CELSR1: variants seen among roughly 807,000 people sequenced by gnomAD.
CELSR1 encodes the protein cadherin EGF LAG seven-pass G-type receptor 1.
CELSR1 carries 110 observed loss-of-function variants against 249.1 expected under a neutral mutation model. That is an observed-to-expected ratio of 0.44 (90% CI 0.38 to 0.52). The LOEUF (loss-of-function observed/expected upper bound fraction) is 0.52. CELSR1 is among the 20% of genes least tolerant of loss of function. The pLI is 0.00. For synonymous variants in CELSR1, 2,113 were observed against 1,900.0 expected, an observed-to-expected ratio of 1.11 and a Z score of -2.92; for missense variants, 4,109 against 4,296.4, an observed-to-expected ratio of 0.96 and a Z score of 1.22.
rs1569141667 is a variant in CELSR1, at chr22:46,408,758, C to T, written c.5226+238G>A. Among the ~76,000 whole-genome samples, 1 of 152,234 alleles carries T rather than the reference C, an allele frequency of 6.6e-6. No homozygotes were observed. The highest frequency in any genetic ancestry group is 2.1e-4 in the South Asian group (1 of 4,834). ...CAGGCTAGAGGGAGACCAGAACTGC[C>T]GCTGAGCTCTGCTGGGCCCCAGGGT... On this transcript the variant is annotated intron_variant, in intron 9 of 34. Coordinates refer to ENST00000674500, the MANE Select transcript of CELSR1 (RefSeq NM_001378328.1). This position sits in a 1 kb window ranked among gnomAD's most constrained non-coding sequence, Gnocchi z 4.6.
rs538427023 is a variant in CELSR1 at position 46,530,872 on chromosome 22, A to ACGTAGT, written c.3544+2749_3544+2754dup. The stretch of plus-strand genomic sequence containing the variant: ...CCCTTCCTGGAATGGCTCCCACTAA[A>ACGTAGT]CGTAGTCGATGGCTGGCCTGTTGCA... On this transcript the variant is annotated intron_variant, in intron 1 of 34. Transcript: ENST00000674500. 9.9e-4 allele frequency among the ~76,000 whole-genome samples: 151 copies of ACGTAGT among 152,220 alleles called. 1 individual carries two copies. The highest frequency in any genetic ancestry group is 9.6e-4 in the East Asian group (5 of 5,182).
At position 46,417,764 on chromosome 22, in the gene CELSR1, G is replaced by A. The variant is rs1212585676; in HGVS notation, c.4612-6005C>T. On this transcript the variant is annotated intron_variant, in intron 5 of 34. Coordinates refer to ENST00000674500, the MANE Select transcript of CELSR1 (RefSeq NM_001378328.1). This position sits in a 1 kb window ranked among gnomAD's most constrained non-coding sequence, Gnocchi z 4.1. Reference sequence around the variant, plus strand: ...GTAAGTGCATAGCTGCTATCTCTAGGGCTGTTTGGGAATGAAATGAAAGGA... The same window carrying A: ...GTAAGTGCATAGCTGCTATCTCTAGAGCTGTTTGGGAATGAAATGAAAGGA... 6.6e-6 allele frequency among the ~76,000 whole-genome samples: 1 copy of A among 152,232 alleles called. No homozygotes were observed. The highest frequency in any genetic ancestry group is 2.4e-5 in the African/African-American group (1 of 41,456).
rs143614301 is a variant in CELSR1, at chr22:46,378,727, G to A, written c.7257-10C>T. The A allele has an allele frequency of 2.0e-5, 33 of 1,610,524 alleles. No homozygotes were observed. Among genetic ancestry groups the A allele is most frequent in the Admixed American group, 5.0e-5 (3 of 59,954 alleles). On this transcript the variant is annotated splice_polypyrimidine_tract_variant and intron_variant, in intron 22 of 34. Transcript: ENST00000674500. ...TCCCGTCCCACCAACGCTGCGGAGA[G>A]GACAGAGAAGGGGCAGGGGTAAGAC...
At chr22:46,492,397 A>G (rs1482880543) in intron 1 of CELSR1, among the ~76,000 whole-genome samples, 1 of 152,206 alleles carries the variant, frequency 6.6e-6, no homozygotes, top group Non-Finnish European at 1.5e-5. Flanking sequence ...CCCGGCGCAA[A>G]GTCTTTCTGG....
chr22:46,518,945 A>G lies in CELSR1; in HGVS notation c.3544+14682T>C, dbSNP rs544288374. Reference sequence around the variant, plus strand: ...CTACTCGGGAGGCAGAGGCAGGAGAATCGCTTAAACCCAGGAGGCAAAGGT... The same window carrying G: ...CTACTCGGGAGGCAGAGGCAGGAGAGTCGCTTAAACCCAGGAGGCAAAGGT... On this transcript the variant is annotated intron_variant, in intron 1 of 34. Transcript: ENST00000674500. This position sits in a 1 kb window ranked among gnomAD's most constrained non-coding sequence, Gnocchi z 5.2. Among the ~76,000 whole-genome samples the G allele has an allele frequency of 6.6e-6, 1 of 152,198 alleles. No homozygotes were observed. Among genetic ancestry groups the G allele is most frequent in the East Asian group, 1.9e-4 (1 of 5,182 alleles).
intron 1 of CELSR1, among the ~76,000 whole-genome samples, chr22:46,474,954 A>T (rs2080193297): frequency 1.3e-5 from 2 of 152,122 alleles, no homozygotes; most frequent in Non-Finnish European, 2.9e-5. Flanking sequence ...GGAAACGCAC[A>T]GGCAGGCCCT....
Position 46,464,792 on chromosome 22 carries a change from C to A in CELSR1, c.3545-447G>T, listed in dbSNP as rs575047166. On this transcript the variant is annotated intron_variant, in intron 1 of 34. Transcript: ENST00000674500. This position sits in a 1 kb window ranked among gnomAD's most constrained non-coding sequence, Gnocchi z 8.5. ...CCTGCCCTGGCCTCCAGGGATCCCACCCTGCCCAACCTCCCAACAGTTCTT... is the reference window on the plus strand; with the variant it reads ...CCTGCCCTGGCCTCCAGGGATCCCAACCTGCCCAACCTCCCAACAGTTCTT... Among the ~76,000 whole-genome samples, 21 of 152,288 alleles carry A rather than the reference C, an allele frequency of 1.4e-4. No homozygotes were observed. The South Asian group carries it at 4.4e-3, about 32-fold the overall frequency.
chr22:46,460,178 AACACACACACAC>A (rs544352270), intron 2 of CELSR1, among the ~76,000 whole-genome samples: 21 of 103,040 alleles, frequency 2.0e-4, no homozygotes, highest in Middle Eastern at 5.0e-3. Context: ...TCAGTCTCAA[AACACACACACAC>A]ACACACACAC....
At position 46,439,238 on chromosome 22, in the gene CELSR1, C is replaced by T. The variant is rs370934549; in HGVS notation, c.4357G>A (p.Val1453Ile). The stretch of plus-strand genomic sequence containing the variant: ...CGCTGTCTCAGGCCCCGGAAGGTGA[C>T]GAAGGACTGGGGCGGGAAGCTCCTG... ...TTRSFPPQSF[V>I]TFRGLRQRFH... The change falls in exon 3 of 35, where the codon GTC becomes ATC. Residue 1453 changes from valine to isoleucine, a missense_variant. Transcript: ENST00000674500. The T allele has an allele frequency of 4.1e-5, 66 of 1,613,980 alleles. No homozygotes were observed. Among genetic ancestry groups the T allele is most frequent in the African/African-American group, 5.3e-5 (4 of 74,906 alleles).
chr22:46,368,317 G>A (rs1257056949), intron 27 of CELSR1, among the ~76,000 whole-genome samples: 1 of 152,108 alleles, frequency 6.6e-6, no homozygotes, highest in Non-Finnish European at 1.5e-5. Flanking sequence ...GGGTTCAGAG[G>A]GGATGGAGTG....
At chr22:46,392,444 A>G (rs2079103954) in intron 14 of CELSR1, among the ~76,000 whole-genome samples, 2 of 152,272 alleles carry the variant, frequency 1.3e-5, no homozygotes, top group Admixed American at 6.5e-5. Context: ...ACTGTGTGTA[A>G]AATGACAGTG....
chr22:46,455,428 C>T (rs2079936797), intron 2 of CELSR1, among the ~76,000 whole-genome samples: 1 of 152,122 alleles, frequency 6.6e-6, no homozygotes, highest in Admixed American at 6.6e-5. Context: ...CGGTGTTTCA[C>T]CATGTTGGTC....
intron 1 of CELSR1, among the ~76,000 whole-genome samples, chr22:46,515,145 T>C (rs1412372683): frequency 1.3e-5 from 2 of 151,866 alleles, no homozygotes; most frequent in South Asian, 2.1e-4. Context: ...GGGACACTCA[T>C]GGGACACAGC....
At position 46,536,967 on chromosome 22, in the gene CELSR1, G is replaced by A; in HGVS notation, c.204C>T (p.Gly68=). Residue 68 remains glycine (G), a synonymous_variant, in exon 1 of 35, where the codon GGC becomes GGT. Coordinates refer to ENST00000674500, the MANE Select transcript of CELSR1 (RefSeq NM_001378328.1). ...PRAPRELLDV[G]RDGRLAGRRR... ...GACGTCCTGCCAGCCGCCCATCGCG[G>A]CCCACGTCCAGCAGCTCCCGCGGCG... is the stretch of plus-strand genomic sequence containing the variant. 1 of 1,146,264 alleles carries A rather than the reference G, an allele frequency of 8.7e-7. No homozygotes were observed. The highest frequency in any genetic ancestry group is 1.1e-6 in the Non-Finnish European group (1 of 935,620). 71.0% of individuals were successfully genotyped at this position (1,146,264 alleles called of 1,614,324 possible). A position where few individuals can be genotyped will look rare whatever the true frequency, so the allele number is the denominator to read the frequency against.
rs1351336002 is a variant in CELSR1, at chr22:46,447,217, T to C, written c.4184-7806A>G. On this transcript the variant is annotated intron_variant, in intron 2 of 34. Coordinates refer to ENST00000674500, the MANE Select transcript of CELSR1 (RefSeq NM_001378328.1). This position sits in a 1 kb window ranked among gnomAD's most constrained non-coding sequence, Gnocchi z 4.7. ...TGACAGATTTTTAATTCTAAAATCA[T>C]CTGAAGGTAAATAGGTCAAATTTAG... 2.0e-5 allele frequency among the ~76,000 whole-genome samples: 3 copies of C among 152,206 alleles called. No homozygotes were observed. Among genetic ancestry groups the C allele is most frequent in the African/African-American group, 7.2e-5 (3 of 41,454 alleles).
intron 25 of CELSR1, 138 bp from the exon 26 acceptor site, chr22:46,369,942 G>A (rs758419285): frequency 4.1e-6 from 3 of 733,884 alleles, no homozygotes; most frequent in Non-Finnish European, 7.2e-6. Context: ...AGTCCAGGGA[G>A]CCAGCCCAGG....
intron 2 of CELSR1, among the ~76,000 whole-genome samples, chr22:46,442,820 G>A (rs1172265283): frequency 3.3e-5 from 5 of 152,190 alleles, no homozygotes; most frequent in Non-Finnish European, 7.3e-5. Flanking sequence ...GGCCTGGCGC[G>A]GTGGCTCACG....
In CELSR1 at chr22:46,500,193, C is replaced by G. The variant is rs1045986093; in HGVS notation, c.3544+33434G>C. On this transcript the variant is annotated intron_variant, in intron 1 of 34. Transcript: ENST00000674500. This position sits in a 1 kb window ranked among gnomAD's most constrained non-coding sequence, Gnocchi z 4.9. ...CTCCCAGCATGATCCCACCCCAGCC[C>G]CTGGTCCTCCCAGCATTGCTCAGCA... is the stretch of plus-strand genomic sequence containing the variant. 6.6e-6 allele frequency among the ~76,000 whole-genome samples: 1 copy of G among 151,926 alleles called. No homozygotes were observed. Among genetic ancestry groups the G allele is most frequent in the African/African-American group, 2.4e-5 (1 of 41,322 alleles).
chr22:46,493,758 T>A (rs973366544), intron 1 of CELSR1, among the ~76,000 whole-genome samples: 1 of 151,808 alleles, frequency 6.6e-6, no homozygotes, highest in African/African-American at 2.4e-5. Flanking sequence ...TATAGAGGAG[T>A]TCCCCTGCAC....
Sources: allele counts gnomAD v4.1 joint callset (sites outside exome capture counted in the v4.1 genomes callset), GRCh38; gene constraint gnomAD v4.1.1; non-coding constraint Gnocchi (gnomAD v3.1); transcripts MANE v1.5; gene names NCBI Gene and HGNC (gene_info 2026-07-23, HGNC 2026-07-21).